VTI1A: variants seen among roughly 807,000 people sequenced by gnomAD.
VTI1A encodes the protein vesicle transport through interaction with t-SNAREs 1A.
In VTI1A, 22 loss-of-function variants were observed where a neutral mutation model predicts 34.9. The observed-to-expected ratio is 0.63, with a 90% CI of 0.45 to 0.90. The LOEUF is 0.90. Among genes scored for constraint, VTI1A ranks in the 40% least tolerant of loss-of-function variants. The probability of loss-of-function intolerance (pLI) is 0.00; values close to 1 mark genes in which losing one functional copy is unlikely to be tolerated. For synonymous variants in VTI1A, 87 were observed against 97.3 expected (o/e 0.89, Z 0.62); for missense variants, 268 against 275.6 (o/e 0.97, Z 0.20).
intron 7 of VTI1A, among the ~76,000 whole-genome samples, chr10:112,758,251 G>T (rs1174373935): frequency 6.6e-6 from 1 of 152,002 alleles, no homozygotes; most frequent in Non-Finnish European, 1.5e-5. Flanking sequence ...TATTACTGCA[G>T]ATTTTCTCAA....
intron 5 of VTI1A, among the ~76,000 whole-genome samples, chr10:112,654,761 G>T (rs534896185): frequency 6.6e-6 from 1 of 152,142 alleles, no homozygotes; most frequent in African/African-American, 2.4e-5. Flanking sequence ...GATTACAGGC[G>T]TGAGCCACCG....
In VTI1A at chr10:112,464,629, A is replaced by T; in HGVS notation, c.236A>T (p.Gln79Leu). ...AGCAACAGAATGAGAAGCTACAAACAAGAAATGGGAAAACTCGAAACAGAT... is the reference window on the plus strand; with the variant it reads ...AGCAACAGAATGAGAAGCTACAAACTAGAAATGGGAAAACTCGAAACAGAT... Reference protein sequence around the residue: ...MYSNRMRSYKQEMGKLETDFK... With the variant: ...MYSNRMRSYKLEMGKLETDFK... Residue 79 changes from glutamine (Q) to leucine (L), a missense_variant, in exon 3 of 8, where the codon CAA (glutamine) becomes CTA (leucine). Transcript: ENST00000393077. The T allele has an allele frequency of 6.2e-7, 1 of 1,612,256 alleles. No individual in the cohort carries two copies. Among genetic ancestry groups the T allele is most frequent in the Non-Finnish European group, 8.5e-7 (1 of 1,178,818 alleles).
chr10:112,784,699 C>G (rs962558631), intron 7 of VTI1A, among the ~76,000 whole-genome samples: 1 of 152,170 alleles, frequency 6.6e-6, no homozygotes, highest in African/African-American at 2.4e-5. Context: ...CTACAAACGG[C>G]AAACCTCCCC....
chr10:112,733,464 C>A (rs527763616), intron 7 of VTI1A, among the ~76,000 whole-genome samples: 69 of 152,194 alleles, frequency 4.5e-4, no homozygotes, highest in African/African-American at 1.6e-3. Flanking sequence ...TAATATGTGA[C>A]CTTTTGTGAC....
At chr10:112,805,292 AAAG>A (rs1853035146) in intron 7 of VTI1A, among the ~76,000 whole-genome samples, 1 of 152,190 alleles carries the variant, frequency 6.6e-6, no homozygotes, top group Non-Finnish European at 1.5e-5. Context: ...AAAAAACTCA[AAAG>A]AAGAATTTTT....
intron 7 of VTI1A, chr10:112,737,386 C>A: frequency 1.9e-6 from 2 of 1,029,208 alleles, no homozygotes; most frequent in African/African-American, 1.7e-5. Context: ...GTGGATTATT[C>A]ATTTTGTCCC....
intron 3 of VTI1A, among the ~76,000 whole-genome samples, chr10:112,469,013 C>T (rs1847994467): frequency 6.6e-6 from 1 of 152,172 alleles, no homozygotes; most frequent in South Asian, 2.1e-4. Flanking sequence ...AAACCCTGTA[C>T]ACCATTCCAT....
intron 5 of VTI1A, among the ~76,000 whole-genome samples, chr10:112,665,671 A>G (rs767007048): frequency 6.6e-5 from 10 of 152,146 alleles, no homozygotes; most frequent in Admixed American, 2.6e-4. Context: ...CTCAGAGTAG[A>G]GTTTTCCCCT....
At chr10:112,725,490 G>A (rs920551127) in intron 7 of VTI1A, among the ~76,000 whole-genome samples, 14 of 152,320 alleles carry the variant, frequency 9.2e-5, no homozygotes, top group Non-Finnish European at 1.8e-4. Flanking sequence ...GGGTTCAGGT[G>A]TGGTCAGCCT....
chr10:112,474,383 CTATT>C (rs1848206936), intron 3 of VTI1A, among the ~76,000 whole-genome samples: 1 of 151,672 alleles, frequency 6.6e-6, no homozygotes, highest in Non-Finnish European at 1.5e-5. Context: ...AAGTACTACT[CTATT>C]TATATATTAT....
chr10:112,602,817 G>A (rs1035020012), intron 5 of VTI1A, among the ~76,000 whole-genome samples: 3 of 152,112 alleles, frequency 2.0e-5, no homozygotes, highest in African/African-American at 7.2e-5. Flanking sequence ...ACACTTATTT[G>A]GGTGATTTTT....
At chr10:112,580,560 G>A (rs1843890426) in intron 5 of VTI1A, among the ~76,000 whole-genome samples, 1 of 152,200 alleles carries the variant, frequency 6.6e-6, no homozygotes, top group South Asian at 2.1e-4. Context: ...GACCAAGAAT[G>A]GAAGCCAAGA....
the VTI1A span, chr10:112,832,544 A>T: frequency 6.6e-6 from 1 of 152,250 alleles, no homozygotes; most frequent in African/African-American, 2.4e-5. Flanking sequence ...TTCTCAGAAG[A>T]ATGAAGGGCG....
Position 112,538,274 on chromosome 10 carries a change from G to A in VTI1A, c.371G>A (p.Arg124Lys), listed in dbSNP as rs151163330. Reference sequence around the variant, plus strand: ...GCACATCTGCTCGATAACACAGAGAGGCTGGAAAGGTCATCTCGGAGACTA... The same window carrying A: ...GCACATCTGCTCGATAACACAGAGAAGCTGGAAAGGTCATCTCGGAGACTA... ...QRAHLLDNTE[R>K]LERSSRRLEA... The change falls in exon 5 of 8, where the codon AGG (arginine) becomes AAG (lysine). Residue 124 changes from arginine (R) to lysine (K), a missense_variant. By Grantham distance (26) the Arg-to-Lys change is conservative. Coordinates refer to ENST00000393077, the MANE Select transcript of VTI1A (RefSeq NM_145206.4). The A allele has an allele frequency of 9.6e-5, 155 of 1,613,488 alleles. No homozygotes were observed. The African/African-American group carries it at 1.9e-3, about 20-fold the overall frequency.
In VTI1A at chr10:112,643,569, T is replaced by TA. The variant is rs111769746; in HGVS notation, c.428-24639dup. 8.8e-3 allele frequency among the ~76,000 whole-genome samples: 1,318 copies of TA among 150,270 alleles called. 21 individuals carry two copies. The highest frequency in any genetic ancestry group is 0.03 in the African/African-American group (1,244 of 41,112). On this transcript the variant is annotated intron_variant, in intron 5 of 7. Transcript: ENST00000393077. The stretch of plus-strand genomic sequence containing the variant: ...GTTATATCTTATGAGTCTGTTAGGT[T>TA]AAAAAAAAAATTATCCTTTTTTTGC...
intron 7 of VTI1A, among the ~76,000 whole-genome samples, chr10:112,804,178 T>C (rs1286582234): frequency 2.6e-5 from 4 of 152,192 alleles, no homozygotes; most frequent in African/African-American, 7.2e-5. Flanking sequence ...AGCCAGCCAA[T>C]GTGATGCCCT....
At chr10:112,694,870 G>A (rs545540405) in intron 7 of VTI1A, among the ~76,000 whole-genome samples, 4 of 152,136 alleles carry the variant, frequency 2.6e-5, no homozygotes, top group Non-Finnish European at 5.9e-5. Context: ...TCAGGAGGCT[G>A]AGGCAGGAGA....
At chr10:112,667,765 G>T (rs1269586861) in intron 5 of VTI1A, among the ~76,000 whole-genome samples, 1 of 152,154 alleles carries the variant, frequency 6.6e-6, no homozygotes, top group African/African-American at 2.4e-5. Flanking sequence ...GATTACTTAT[G>T]CAGGGTGAAT....
At chr10:112,560,358 AT>A (rs1416530199) in intron 5 of VTI1A, among the ~76,000 whole-genome samples, 1 of 152,042 alleles carries the variant, frequency 6.6e-6, no homozygotes, top group African/African-American at 2.4e-5. Flanking sequence ...GCTCCTTCTC[AT>A]GGTTTAGGTT....
Sources: allele counts gnomAD v4.1 joint callset (sites outside exome capture counted in the v4.1 genomes callset), GRCh38; gene constraint gnomAD v4.1.1; transcripts MANE v1.5; gene names NCBI Gene and HGNC (gene_info 2026-07-23, HGNC 2026-07-21).